The following MYO16 variants were observed in gnomAD, a reference collection of about 807,000 sequenced individuals.
MYO16 encodes the protein unconventional myosin-XVI.
In MYO16, 94 loss-of-function variants were observed where a neutral mutation model predicts 205.3. The ratio of observed to expected loss-of-function variants is 0.46; its 90% CI spans 0.39 to 0.54. The LOEUF (loss-of-function observed/expected upper bound fraction) is 0.54, where lower values mean the gene tolerates loss of function less well. Ranked by LOEUF, MYO16 falls within the 20% of genes least tolerant of loss-of-function variation. The probability of loss-of-function intolerance (pLI) is 0.00; values close to 1 mark genes in which losing one functional copy is unlikely to be tolerated. For synonymous variants in MYO16, 988 were observed against 954.0 expected, an observed-to-expected ratio of 1.04 and a Z score of -0.66; for missense variants, 2,315 against 2,387.5, an observed-to-expected ratio of 0.97 and a Z score of 0.63.
the MYO16 span, among the ~76,000 whole-genome samples, chr13:108,559,987 G>A: frequency 0.044 from 6,683 of 152,172 alleles, 443 homozygotes; most frequent in African/African-American, 0.15. Flanking sequence ...TGTTATGGTA[G>A]ACTAAAGCCC....
chr13:109,016,782 T>C (rs150672526), intron 22 of MYO16, among the ~76,000 whole-genome samples: 2,561 of 151,424 alleles, frequency 0.017, 73 homozygotes, highest in African/African-American at 0.059. Context: ...GTATTGCAAA[T>C]GCTGCTTTTT....
At chr13:108,729,332 T>A (rs879374867) in intron 4 of MYO16, among the ~76,000 whole-genome samples, 5 of 152,166 alleles carry the variant, frequency 3.3e-5, no homozygotes, top group Non-Finnish European at 7.4e-5. Flanking sequence ...ACTTTAGACA[T>A]CTTTAGAATG....
intron 11 of MYO16, among the ~76,000 whole-genome samples, chr13:108,865,677 AT>A (rs1365189810): frequency 6.6e-6 from 1 of 151,868 alleles, no homozygotes; most frequent in Non-Finnish European, 1.5e-5. Flanking sequence ...TCATTTTATT[AT>A]TTTTATTTGT....
intron 4 of MYO16, among the ~76,000 whole-genome samples, chr13:108,750,185 G>A (rs151120748): frequency 1.0e-3 from 158 of 152,254 alleles, no homozygotes; most frequent in African/African-American, 3.6e-3. Flanking sequence ...TTGTGACAGC[G>A]GATACATGAC....
At chr13:109,044,909 C>G (rs951525827) in intron 23 of MYO16, among the ~76,000 whole-genome samples, 2 of 152,084 alleles carry the variant, frequency 1.3e-5, no homozygotes, top group Non-Finnish European at 2.9e-5. Context: ...AGGCTGGTCT[C>G]AAACTCCTGA....
intron 33 of MYO16, among the ~76,000 whole-genome samples, chr13:109,179,300 A>G (rs1256936433): frequency 6.6e-6 from 1 of 152,148 alleles, no homozygotes; most frequent in African/African-American, 2.4e-5. Context: ...CTATTATCAC[A>G]TATCTCCTTA....
chr13:108,829,025 G>A (rs1023506536), intron 9 of MYO16, among the ~76,000 whole-genome samples: 1 of 152,170 alleles, frequency 6.6e-6, no homozygotes, highest in Non-Finnish European at 1.5e-5. Context: ...AACCTCAGGG[G>A]CTTGTGAGAA....
At position 108,995,138 on chromosome 13, in the gene MYO16, C is replaced by T. The variant is rs1566450980; in HGVS notation, c.2442+2690C>T. 3.9e-5 allele frequency among the ~76,000 whole-genome samples: 6 copies of T among 152,180 alleles called. No homozygotes were observed. In the South Asian group the frequency reaches 8.3e-4, roughly 21 times the overall value. Reference sequence around the variant, plus strand: ...TAATTGACAAACAGCAGAAATTTATCGCTCACAGTTCTGGAGGCCAGGAAA... The same window carrying T: ...TAATTGACAAACAGCAGAAATTTATTGCTCACAGTTCTGGAGGCCAGGAAA... On this transcript the variant is annotated intron_variant, in intron 21 of 34. Transcript: ENST00000457511.
chr13:109,012,054 C>T (rs375086891), intron 22 of MYO16, among the ~76,000 whole-genome samples: 3 of 151,868 alleles, frequency 2.0e-5, no homozygotes, highest in Non-Finnish European at 2.9e-5. Context: ...ACAGTGAGAA[C>T]GATTAAGATA....
chr13:108,755,876 A>G (rs1394043953), intron 4 of MYO16, among the ~76,000 whole-genome samples: 1 of 152,200 alleles, frequency 6.6e-6, no homozygotes, highest in African/African-American at 2.4e-5. Flanking sequence ...CATCTTGTAA[A>G]GATGTATTAA....
intron 1 of MYO16, among the ~76,000 whole-genome samples, chr13:108,648,142 A>C (rs887344828): frequency 6.6e-6 from 1 of 152,206 alleles, no homozygotes; most frequent in East Asian, 1.9e-4. Flanking sequence ...TTCAGATATT[A>C]AAAAGAGTAC....
At chr13:108,666,681 T>C (rs1462113408) in intron 2 of MYO16, among the ~76,000 whole-genome samples, 2 of 152,180 alleles carry the variant, frequency 1.3e-5, no homozygotes, top group East Asian at 1.9e-4. Context: ...GCAGCAGTAA[T>C]GTCACTTTCC....
chr13:108,524,204 G>T, the MYO16 span, among the ~76,000 whole-genome samples: 4 of 152,084 alleles, frequency 2.6e-5, no homozygotes, highest in Admixed American at 6.5e-5. Flanking sequence ...GGAGGCTGAG[G>T]CAGGAGAATA....
At chr13:109,063,808 T>C (rs948032871) in intron 27 of MYO16, among the ~76,000 whole-genome samples, 1 of 152,134 alleles carries the variant, frequency 6.6e-6, no homozygotes, top group Admixed American at 6.5e-5. Flanking sequence ...GAAATATGGC[T>C]TACCTGAACA....
chr13:108,823,826 G>T (rs1034719549), intron 9 of MYO16, among the ~76,000 whole-genome samples: 1 of 152,048 alleles, frequency 6.6e-6, no homozygotes, highest in African/African-American at 2.4e-5. Context: ...TGAAGAATAA[G>T]TGTTCATTTA....
intron 27 of MYO16, among the ~76,000 whole-genome samples, chr13:109,090,536 A>T (rs1457952137): frequency 6.6e-6 from 1 of 152,172 alleles, no homozygotes; most frequent in Non-Finnish European, 1.5e-5. Context: ...AAGGGGCAGA[A>T]TGCAAGAAGG....
intron 1 of MYO16, among the ~76,000 whole-genome samples, chr13:108,619,622 C>T (rs529591997): frequency 3.9e-5 from 6 of 152,154 alleles, no homozygotes; most frequent in South Asian, 4.2e-4. Context: ...GGTATCACAG[C>T]GATACATCAG....
Position 109,100,812 on chromosome 13 carries a change from G to A in MYO16, c.3363G>A (p.Leu1121=). The part of the protein sequence containing the change: ...SRYKPLADTF[L]REKKEQSAAE... ...ATAAGCCACTGGCTGATACATTCCT[G>A]CGTGAGAAGAAGGAACAGTCAGCTG... is the stretch of plus-strand genomic sequence containing the variant. The change falls in exon 28 of 35, where the codon CTG becomes CTA. Residue 1121 remains leucine (L), a synonymous_variant. Coordinates refer to ENST00000457511, the MANE Select transcript of MYO16 (RefSeq NM_001198950.3). The A allele has an allele frequency of 2.5e-6, 4 of 1,613,554 alleles. No homozygotes were observed. The South Asian group carries it at 4.4e-5, about 18-fold the overall frequency.
chr13:109,163,011 G>A (rs1236245254), intron 32 of MYO16, among the ~76,000 whole-genome samples: 1 of 152,182 alleles, frequency 6.6e-6, no homozygotes, highest in Non-Finnish European at 1.5e-5. Flanking sequence ...GAAGGTCTTT[G>A]TTTTTTATGT....
Sources: allele counts gnomAD v4.1 joint callset (sites outside exome capture counted in the v4.1 genomes callset), GRCh38; gene constraint gnomAD v4.1.1; transcripts MANE v1.5; gene names NCBI Gene and HGNC (gene_info 2026-07-23, HGNC 2026-07-21).